NCOA2: variants seen among roughly 807,000 people sequenced by gnomAD.
NCOA2 encodes the protein nuclear receptor coactivator 2.
NCOA2 carries 21 observed loss-of-function variants against 145.1 expected under a neutral mutation model. That is an observed-to-expected ratio of 0.14 (90% CI 0.10 to 0.21). The LOEUF (loss-of-function observed/expected upper bound fraction) is 0.21. NCOA2 is among the 10% of genes least tolerant of loss of function. The probability of loss-of-function intolerance (pLI) is 1.00; values close to 1 mark genes in which losing one functional copy is unlikely to be tolerated. For missense variants in NCOA2, 1,472 were observed against 1,837.6 expected (o/e 0.80, Z 3.64); for synonymous variants, 619 against 637.5 (o/e 0.97, Z 0.44).
At chr8:70,308,280 G>C (rs1006468185) in intron 1 of NCOA2, among the ~76,000 whole-genome samples, 1 of 152,118 alleles carries the variant, frequency 6.6e-6, no homozygotes, top group African/African-American at 2.4e-5. Flanking sequence ...GGTGATGCTA[G>C]TAAGTGGTCA....
At chr8:70,189,354 C>T (rs1563591812) in intron 4 of NCOA2, among the ~76,000 whole-genome samples, 2 of 152,326 alleles carry the variant, frequency 1.3e-5, no homozygotes, top group Admixed American at 1.3e-4. Context: ...TCCATAATAT[C>T]ATTTACTGTA....
intron 1 of NCOA2, among the ~76,000 whole-genome samples, chr8:70,353,445 C>T (rs1449197943): frequency 6.8e-6 from 1 of 147,120 alleles, no homozygotes; most frequent in Non-Finnish European, 1.5e-5. Flanking sequence ...AACTTTTTCT[C>T]CAAAAAAAAG....
intron 9 of NCOA2, among the ~76,000 whole-genome samples, chr8:70,162,066 C>T (rs1813085035): frequency 6.6e-6 from 1 of 152,144 alleles, no homozygotes; most frequent in African/African-American, 2.4e-5. Flanking sequence ...CCTCCTCGTC[C>T]CCTTGTCCAG....
the NCOA2 span, among the ~76,000 whole-genome samples, chr8:70,411,840 AG>A: frequency 6.6e-6 from 1 of 152,222 alleles, no homozygotes; most frequent in Non-Finnish European, 1.5e-5. Context: ...GGTGCGGCCT[AG>A]GAAGGCACAT....
chr8:70,404,802 T>G (rs183575355), upstream of NCOA2, among the ~76,000 whole-genome samples: 127 of 152,286 alleles, frequency 8.3e-4, 1 homozygote, highest in East Asian at 0.016. Flanking sequence ...GAACCCCCAT[T>G]TAAGTGTTAC....
chr8:70,339,376 G>A (rs1054043577), intron 1 of NCOA2, among the ~76,000 whole-genome samples: 2 of 151,838 alleles, frequency 1.3e-5, no homozygotes, highest in African/African-American at 4.9e-5. Flanking sequence ...AGCTAACAAG[G>A]GAAGTGAAGG....
intron 1 of NCOA2, among the ~76,000 whole-genome samples, chr8:70,364,344 T>C (rs575052217): frequency 2.3e-4 from 35 of 152,142 alleles, no homozygotes; most frequent in Admixed American, 5.9e-4. Flanking sequence ...AAAAGGTGTA[T>C]GCAAAAAGCA....
chr8:70,148,254 A>G lies in NCOA2; in HGVS notation c.2605+19T>C. 6.2e-7 allele frequency: 1 copy of G among 1,609,474 alleles called. No homozygotes were observed. Among genetic ancestry groups the G allele is most frequent in the Non-Finnish European group, 8.5e-7 (1 of 1,175,904 alleles). Reference sequence around the variant, plus strand: ...TATATGGAAATTTCTTGGCATAACCAGCCATTTCTCATACTCACTGCTCTG... The same window carrying G: ...TATATGGAAATTTCTTGGCATAACCGGCCATTTCTCATACTCACTGCTCTG... On this transcript the variant is annotated intron_variant, in intron 12 of 22. Transcript: ENST00000452400.
At chr8:70,407,348 G>A (rs1373469408), upstream of NCOA2, among the ~76,000 whole-genome samples, 1 of 152,132 alleles carries the variant, frequency 6.6e-6, no homozygotes, top group Non-Finnish European at 1.5e-5. Context: ...AGTAGTCATT[G>A]TATGTATATT....
chr8:70,238,057 G>T (rs1821791856), intron 2 of NCOA2, among the ~76,000 whole-genome samples: 2 of 152,106 alleles, frequency 1.3e-5, no homozygotes, highest in Admixed American at 1.3e-4. Context: ...TTAAACATAT[G>T]TGATTAAGAT....
the NCOA2 span, among the ~76,000 whole-genome samples, chr8:70,451,471 C>T: frequency 6.7e-6 from 1 of 150,220 alleles, no homozygotes; most frequent in East Asian, 2.0e-4. Context: ...TATCCTAACA[C>T]TTATCTCTTC....
chr8:70,201,398 T>C (rs1817872388), intron 4 of NCOA2, among the ~76,000 whole-genome samples: 1 of 152,184 alleles, frequency 6.6e-6, no homozygotes, highest in African/African-American at 2.4e-5. Context: ...GGTCAACTTT[T>C]TAGCAGACTT....
At chr8:70,404,434 TC>T (rs1184504252), upstream of NCOA2, among the ~76,000 whole-genome samples, 4 of 152,132 alleles carry the variant, frequency 2.6e-5, no homozygotes, top group African/African-American at 9.6e-5. Context: ...GCCGGACCCT[TC>T]GGCCAGCACC....
intron 4 of NCOA2, 44 bp from the exon 5 acceptor site, chr8:70,174,903 A>G (rs1281783285): frequency 6.6e-7 from 1 of 1,512,788 alleles, no homozygotes; most frequent in African/African-American, 1.4e-5. Context: ...TGCTATTTCA[A>G]GGACAGAGTG....
the NCOA2 span, among the ~76,000 whole-genome samples, chr8:70,442,949 CACTT>C: frequency 2.0e-5 from 3 of 152,190 alleles, no homozygotes; most frequent in Non-Finnish European, 4.4e-5. Context: ...CAGAATTAGA[CACTT>C]ACGGGTAAGC....
chr8:70,343,527 G>T (rs1808330368), intron 1 of NCOA2, among the ~76,000 whole-genome samples: 1 of 152,008 alleles, frequency 6.6e-6, no homozygotes, highest in South Asian at 2.1e-4. Flanking sequence ...AAAAGTGAAG[G>T]CCGGACACAG....
At chr8:70,121,499 G>T in intron 21 of NCOA2, 108 bp from the exon 22 acceptor site, 1 of 790,316 alleles carries the variant, frequency 1.3e-6, no homozygotes. Flanking sequence ...TGTAAAAACG[G>T]GGAAAAGGAA....
chr8:70,455,981 C>T, the NCOA2 span, among the ~76,000 whole-genome samples: 1 of 151,634 alleles, frequency 6.6e-6, no homozygotes, highest in East Asian at 1.9e-4. Context: ...TAGTTTCTAT[C>T]TCAAAAATCC....
At chr8:70,216,476 A>G (rs1041415964) in intron 3 of NCOA2, among the ~76,000 whole-genome samples, 184 bp downstream of exon 3, 1 of 152,248 alleles carries the variant, frequency 6.6e-6, no homozygotes, top group Non-Finnish European at 1.5e-5. Flanking sequence ...TTTGTAAAGA[A>G]TACAATCTGT....
Sources: allele counts gnomAD v4.1 joint callset (sites outside exome capture counted in the v4.1 genomes callset), GRCh38; gene constraint gnomAD v4.1.1; transcripts MANE v1.5; gene names NCBI Gene and HGNC (gene_info 2026-07-23, HGNC 2026-07-21).